The following MXI1 variants were observed in gnomAD, a reference collection of about 807,000 sequenced individuals.
The protein encoded by MXI1 is max-interacting protein 1.
Under a neutral mutation model 36.9 loss-of-function variants are expected in MXI1, and 18 were observed. That is an observed-to-expected ratio of 0.49 (90% CI 0.34 to 0.72). The LOEUF (loss-of-function observed/expected upper bound fraction) is 0.72, where lower values mean the gene tolerates loss of function less well. MXI1 is among the 30% of genes least tolerant of loss of function. MXI1 has a pLI of 0.01. For synonymous variants in MXI1, 160 were observed against 146.7 expected, an observed-to-expected ratio of 1.09 and a Z score of -0.65; for missense variants, 304 against 379.1, an observed-to-expected ratio of 0.80 and a Z score of 1.64.
At chr10:110,270,019 C>A (rs1298592299) in intron 3 of MXI1, among the ~76,000 whole-genome samples, 1 of 152,170 alleles carries the variant, frequency 6.6e-6, no homozygotes, top group African/African-American at 2.4e-5. Context: ...AAAAAATATT[C>A]TCTCCCATCG....
chr10:110,241,579 C>T (rs181226010), intron 2 of MXI1, among the ~76,000 whole-genome samples: 1 of 147,786 alleles, frequency 6.8e-6, no homozygotes, highest in East Asian at 1.9e-4. Flanking sequence ...TACTCCTAAA[C>T]CTTGTACTGT....
At chr10:110,278,701 GGTGTGTGTGT>G (rs368265649) in intron 3 of MXI1, among the ~76,000 whole-genome samples, 8 of 116,024 alleles carry the variant, frequency 6.9e-5, no homozygotes, top group African/African-American at 1.4e-4. Context: ...AGAGAGGTAG[GGTGTGTGTGT>G]GTGTGTGTGT....
At chr10:110,250,842 A>AAT (rs1554856841) in intron 3 of MXI1, among the ~76,000 whole-genome samples, 103 of 150,788 alleles carry the variant, frequency 6.8e-4, no homozygotes, top group African/African-American at 2.5e-3. Context: ...AAAAAAAAAA[A>AAT]AAAAAATAAC....
intron 1 of MXI1, chr10:110,226,309 G>A: frequency 1.3e-6 from 2 of 1,485,478 alleles, no homozygotes; most frequent in Non-Finnish European, 1.8e-6. Flanking sequence ...CGCTGCGTGA[G>A]CCCGAGCGCT....
At position 110,244,294 on chromosome 10, in the gene MXI1, A is replaced by T. The variant is rs576650501; in HGVS notation, c.408-534A>T. Reference sequence around the variant, plus strand: ...TCTTTATATTAATTTTCTTTCATGTATAACTTTTTCTTGTTTTTGTTTCAC... The same window carrying T: ...TCTTTATATTAATTTTCTTTCATGTTTAACTTTTTCTTGTTTTTGTTTCAC... On this transcript the variant is annotated intron_variant, in intron 2 of 5. Coordinates refer to ENST00000332674, the MANE Select transcript of MXI1 (RefSeq NM_130439.3). Among the ~76,000 whole-genome samples the T allele has an allele frequency of 4.6e-5, 7 of 152,048 alleles. No homozygotes were observed. In the East Asian group the frequency reaches 1.4e-3, roughly 29 times the overall value.
intron 2 of MXI1, among the ~76,000 whole-genome samples, chr10:110,243,911 C>T (rs1855764436): frequency 6.6e-6 from 1 of 152,040 alleles, no homozygotes; most frequent in Admixed American, 6.6e-5. Context: ...TGCCCTTAAC[C>T]TCTGTTCAGT....
intron 2 of MXI1, among the ~76,000 whole-genome samples, chr10:110,235,598 G>C (rs1230557921): frequency 2.0e-5 from 3 of 151,700 alleles, no homozygotes; most frequent in Non-Finnish European, 4.4e-5. Context: ...TGAGGCAGGA[G>C]AATGGTGTGA....
At chr10:110,247,230 GTTGT>G (rs896443387) in intron 3 of MXI1, among the ~76,000 whole-genome samples, 80 of 152,224 alleles carry the variant, frequency 5.3e-4, no homozygotes, top group African/African-American at 1.9e-3. Flanking sequence ...TTTTGATGGG[GTTGT>G]TTGTTTTTTT....
chr10:110,226,202 G>C (rs1854960873), intron 1 of MXI1: 1 of 1,473,390 alleles, frequency 6.8e-7, no homozygotes, highest in Non-Finnish European at 9.0e-7. Context: ...GTCGCCACCC[G>C]CGGTGCCCAT....
chr10:110,219,605 A>G (rs1854745884), intron 1 of MXI1, among the ~76,000 whole-genome samples: 1 of 152,178 alleles, frequency 6.6e-6, no homozygotes, highest in Non-Finnish European at 1.5e-5. Context: ...CTTTGTGATC[A>G]TCCCAGAACT....
chr10:110,248,539 T>C (rs1306980118), intron 3 of MXI1, among the ~76,000 whole-genome samples: 1 of 152,186 alleles, frequency 6.6e-6, no homozygotes, highest in African/African-American at 2.4e-5. Context: ...TTACCTGGGC[T>C]GTGTGTAATC....
intron 3 of MXI1, among the ~76,000 whole-genome samples, chr10:110,263,683 T>C (rs950377773): frequency 1.3e-5 from 2 of 152,242 alleles, no homozygotes; most frequent in African/African-American, 4.8e-5. Context: ...TAATTTGATA[T>C]AGCATCTTTG....
intron 1 of MXI1, among the ~76,000 whole-genome samples, chr10:110,211,404 G>C (rs1854511859): frequency 6.6e-6 from 1 of 152,128 alleles, no homozygotes; most frequent in Non-Finnish European, 1.5e-5. Context: ...AGTGCGGCCA[G>C]CTGGTCCAGT....
At chr10:110,236,835 G>T (rs2134376052) in intron 2 of MXI1, among the ~76,000 whole-genome samples, 1 of 152,290 alleles carries the variant, frequency 6.6e-6, no homozygotes, top group African/African-American at 2.4e-5. Context: ...TATTGGGATT[G>T]CACTGGATCT....
chr10:110,286,294 AC>A lies in MXI1; in HGVS notation c.*1308del, dbSNP rs1266762562. On this transcript the variant is annotated 3_prime_UTR_variant, in exon 6 of 6. Transcript: ENST00000332674. Reference sequence around the variant, plus strand: ...CTGTGCAGGTGCTATTGTTACTCTTACGAATATTTTCAGTAATGTTATTTTC... The same window carrying A: ...CTGTGCAGGTGCTATTGTTACTCTTAGAATATTTTCAGTAATGTTATTTTC... 1 of 152,496 alleles carries A rather than the reference AC, an allele frequency of 6.6e-6. No individual in the cohort carries two copies. The highest frequency in any genetic ancestry group is 2.4e-5 in the African/African-American group (1 of 41,398). The allele number at this position is 152,496 out of a possible 1,614,324, so 9.4% of individuals were successfully genotyped here. A position where few individuals can be genotyped will look rare whatever the true frequency, so the allele number is the denominator to read the frequency against.
intron 2 of MXI1, among the ~76,000 whole-genome samples, chr10:110,228,646 T>A (rs936171327): frequency 6.6e-6 from 1 of 151,568 alleles, no homozygotes; most frequent in African/African-American, 2.4e-5. Context: ...CTGGCCAAGT[T>A]TTGGACAGTC....
At chr10:110,236,268 T>C (rs1336785290) in intron 2 of MXI1, among the ~76,000 whole-genome samples, 2 of 151,350 alleles carry the variant, frequency 1.3e-5, no homozygotes, top group South Asian at 2.1e-4. Flanking sequence ...CACAGACTTG[T>C]GAGCCTTATT....
chr10:110,232,676 A>T (rs1043766220), intron 2 of MXI1, among the ~76,000 whole-genome samples: 8 of 152,166 alleles, frequency 5.3e-5, no homozygotes, highest in African/African-American at 1.9e-4. Flanking sequence ...AAAGAATGGA[A>T]GGTTTTCAAA....
At position 110,286,602 on chromosome 10, in the gene MXI1, A is replaced by G. The variant is rs1466514913; in HGVS notation, c.*1615A>G. The G allele has an allele frequency of 6.6e-6, 1 of 152,644 alleles. No homozygotes were observed. Among genetic ancestry groups the G allele is most frequent in the Non-Finnish European group, 1.5e-5 (1 of 68,046 alleles). The allele number at this position is 152,644 out of a possible 1,614,324, so 9.5% of individuals were successfully genotyped here. A position where few individuals can be genotyped will look rare whatever the true frequency, so the allele number is the denominator to read the frequency against. ...TGTTTAGATAGGGCTGGGCAAGGAA[A>G]AAGAAAATAAAGACAACCATATTTA... On this transcript the variant is annotated 3_prime_UTR_variant, in exon 6 of 6. Transcript: ENST00000332674.
Sources: gnomAD v4.1 joint callset for allele counts (sites outside exome capture counted in the v4.1 genomes callset) on GRCh38, gnomAD v4.1.1 for gene constraint, MANE v1.5 for transcripts, NCBI Gene and HGNC (gene_info 2026-07-23, HGNC 2026-07-21) for gene names.